RIN2: variants seen among roughly 807,000 people sequenced by gnomAD.
The protein encoded by RIN2 is RAB5 interacting protein 2.
Under a neutral mutation model 78.0 loss-of-function variants are expected in RIN2, and 36 were observed. The ratio of observed to expected loss-of-function variants is 0.46; its 90% CI spans 0.35 to 0.61. RIN2 has a LOEUF of 0.61. Ranked by LOEUF, RIN2 falls within the 20% of genes least tolerant of loss-of-function variation. The pLI is 0.00. For missense variants in RIN2, 1,087 were observed against 1,159.7 expected, an observed-to-expected ratio of 0.94 and a Z score of 0.91; for synonymous variants, 466 against 466.8, an observed-to-expected ratio of 1.00 and a Z score of 0.02.
chr20:19,847,061 T>C (rs2036808696), intron 2 of RIN2, among the ~76,000 whole-genome samples: 1 of 152,258 alleles, frequency 6.6e-6, no homozygotes, highest in Admixed American at 6.5e-5. Flanking sequence ...TATCTCTTTT[T>C]GTAATATTGG....
chr20:19,817,071 T>C (rs1385893356), intron 2 of RIN2, among the ~76,000 whole-genome samples: 1 of 151,826 alleles, frequency 6.6e-6, no homozygotes, highest in Non-Finnish European at 1.5e-5. Context: ...GGGGTGGAGG[T>C]GGTAGAGTTC....
chr20:19,929,155 C>A (rs2040344673), intron 3 of RIN2, among the ~76,000 whole-genome samples: 4 of 152,170 alleles, frequency 2.6e-5, no homozygotes, highest in Admixed American at 2.6e-4. Context: ...TCCCAGGTGT[C>A]CACAGACGAG....
chr20:19,949,909 C>T (rs1041615904), intron 4 of RIN2, among the ~76,000 whole-genome samples: 12 of 152,206 alleles, frequency 7.9e-5, no homozygotes, highest in Admixed American at 2.0e-4. Context: ...GTTAGTAAAA[C>T]TAACCCTTGT....
At chr20:19,855,766 A>G (rs890656240) in intron 2 of RIN2, among the ~76,000 whole-genome samples, 1 of 152,134 alleles carries the variant, frequency 6.6e-6, no homozygotes, top group Non-Finnish European at 1.5e-5. Flanking sequence ...GGGGGAAAAA[A>G]ATCCCAGAGA....
chr20:19,812,183 A>G (rs1039124605), intron 2 of RIN2, among the ~76,000 whole-genome samples: 5 of 152,094 alleles, frequency 3.3e-5, no homozygotes, highest in African/African-American at 1.2e-4. Context: ...ACACCCACAT[A>G]CAAGTCTTTA....
chr20:19,808,321 G>A (rs937497919), intron 2 of RIN2, among the ~76,000 whole-genome samples: 2 of 152,226 alleles, frequency 1.3e-5, no homozygotes, highest in Non-Finnish European at 2.9e-5. Flanking sequence ...AGGCCGCCAT[G>A]GCCCAGTAGG....
intron 2 of RIN2, among the ~76,000 whole-genome samples, chr20:19,865,358 G>C (rs1295110074): frequency 1.3e-5 from 2 of 152,112 alleles, no homozygotes; most frequent in Non-Finnish European, 2.9e-5. Context: ...GAGCCAGAAA[G>C]ATCAGCTCAG....
chr20:19,969,386 C>T (rs1237228864), intron 7 of RIN2, among the ~76,000 whole-genome samples: 1 of 152,150 alleles, frequency 6.6e-6, no homozygotes, highest in Non-Finnish European at 1.5e-5. Flanking sequence ...CACCCCAGGG[C>T]CTTTGCACCT....
chr20:19,859,368 T>TAACA (rs1386381832), intron 2 of RIN2, among the ~76,000 whole-genome samples: 16 of 152,224 alleles, frequency 1.1e-4, no homozygotes, highest in Admixed American at 5.9e-4. Context: ...ATTAATTGTG[T>TAACA]AACATTAGGC....
chr20:19,912,534 C>T (rs1291617448), intron 3 of RIN2, among the ~76,000 whole-genome samples: 1 of 146,940 alleles, frequency 6.8e-6, no homozygotes, highest in Non-Finnish European at 1.5e-5. Flanking sequence ...GCTGGAGTGC[C>T]ATGCTGCGAT....
At chr20:19,793,262 A>T (rs1263972552) in intron 1 of RIN2, among the ~76,000 whole-genome samples, 2 of 152,188 alleles carry the variant, frequency 1.3e-5, no homozygotes, top group Admixed American at 6.5e-5. Flanking sequence ...AGCATTTAAA[A>T]TTTTTTTGTA....
chr20:19,912,540 G>A (rs2039520100), intron 3 of RIN2, among the ~76,000 whole-genome samples: 1 of 132,088 alleles, frequency 7.6e-6, no homozygotes, highest in Non-Finnish European at 1.5e-5. Context: ...GTGCCATGCT[G>A]CGATTTCGGC....
At chr20:19,902,485 G>T (rs915279572) in intron 3 of RIN2, among the ~76,000 whole-genome samples, 2 of 152,036 alleles carry the variant, frequency 1.3e-5, no homozygotes, top group African/African-American at 4.8e-5. Context: ...GTTTCCTATA[G>T]CAAAAGGTGG....
chr20:19,914,229 T>G (rs950525762), intron 3 of RIN2, among the ~76,000 whole-genome samples: 5 of 152,220 alleles, frequency 3.3e-5, no homozygotes. Context: ...GTCTCATTTT[T>G]TCAGTCACAT....
intron 3 of RIN2, among the ~76,000 whole-genome samples, chr20:19,924,193 C>T (rs2040068230): frequency 1.4e-5 from 1 of 71,452 alleles, no homozygotes; most frequent in Non-Finnish European, 2.6e-5. Context: ...CTTCATACCC[C>T]ACCTTCATAC....
rs142267159 is a variant in RIN2 at position 19,908,257 on chromosome 20, C to T, written c.57+18599C>T. On this transcript the variant is annotated intron_variant, in intron 3 of 12. Transcript: ENST00000255006. ...CTACAATCCCAGCACTTTGGGAGGC[C>T]GAGGTGGGCAGATCATGAGGTCAGG... Among the ~76,000 whole-genome samples the T allele has an allele frequency of 1.8e-3, 280 of 152,156 alleles. 3 individuals are homozygous for T. The East Asian group carries it at 0.027, about 15-fold the overall frequency.
At chr20:19,950,047 A>G (rs1440290387) in intron 4 of RIN2, among the ~76,000 whole-genome samples, 1 of 152,120 alleles carries the variant, frequency 6.6e-6, no homozygotes, top group Non-Finnish European at 1.5e-5. Flanking sequence ...CTCATCCCAT[A>G]CTCCAAAGAA....
intron 10 of RIN2, 73 bp downstream of exon 10, chr20:19,990,384 C>T (rs1042049992): frequency 1.4e-6 from 2 of 1,402,386 alleles, no homozygotes; most frequent in Admixed American, 5.0e-5. Context: ...TCCTGTCAGG[C>T]TTTCTGATTC....
At chr20:19,995,276 A>AAC (rs1555812016) in intron 11 of RIN2, among the ~76,000 whole-genome samples, 2 of 151,510 alleles carry the variant, frequency 1.3e-5, no homozygotes, top group Non-Finnish European at 2.9e-5. Flanking sequence ...AAAAAAAAAA[A>AAC]AACAAAACAC....
Sources: gnomAD v4.1 joint callset for allele counts (sites outside exome capture counted in the v4.1 genomes callset) on GRCh38, gnomAD v4.1.1 for gene constraint, MANE v1.5 for transcripts, NCBI Gene and HGNC (gene_info 2026-07-23, HGNC 2026-07-21) for gene names.